ZBTB21: variants seen among roughly 807,000 people sequenced by gnomAD.
ZBTB21 encodes the protein zinc finger and BTB domain-containing protein 21.
A neutral mutation model predicts 39.8 loss-of-function variants in ZBTB21; 10 were observed. That is an observed-to-expected ratio of 0.25 (90% CI 0.16 to 0.43). The LOEUF (loss-of-function observed/expected upper bound fraction) is 0.43. Ranked by LOEUF, ZBTB21 falls within the 20% of genes least tolerant of loss-of-function variation. The pLI, the probability that ZBTB21 is intolerant of heterozygous loss-of-function variation, is 1.00. For missense variants in ZBTB21, 1,221 were observed against 1,296.3 expected (o/e 0.94, Z 0.89); for synonymous variants, 551 against 498.8 (o/e 1.10, Z -1.40).
chr21:42,004,751 G>T (rs1462907749), intron 1 of ZBTB21, among the ~76,000 whole-genome samples: 1 of 152,126 alleles, frequency 6.6e-6, no homozygotes, highest in Non-Finnish European at 1.5e-5. Flanking sequence ...AAGAGGGAAT[G>T]CATGTAACAC....
intron 1 of ZBTB21, among the ~76,000 whole-genome samples, chr21:42,003,633 G>A (rs2065843828): frequency 6.6e-6 from 1 of 152,140 alleles, no homozygotes; most frequent in Non-Finnish European, 1.5e-5. Flanking sequence ...ACAAAGGAAA[G>A]GCTCATTAGA....
chr21:41,992,707 T>C lies in ZBTB21; in HGVS notation c.1389A>G (p.Thr463=), dbSNP rs201654068. The C allele has an allele frequency of 1.5e-4, 247 of 1,614,068 alleles. No homozygotes were observed. Among genetic ancestry groups the C allele is most frequent in the Non-Finnish European group, 2.1e-4 (243 of 1,180,038 alleles). ...TTAAASSSSV[T]RDLSLKTEDD... Reference sequence around the variant, plus strand: ...CTTCTGTTTTCAGAGACAGGTCTCTTGTGACCGACGAAGATGAGGCAGCTG... The same window carrying C: ...CTTCTGTTTTCAGAGACAGGTCTCTCGTGACCGACGAAGATGAGGCAGCTG... The change falls in exon 3 of 3, where the codon ACA becomes ACG. Residue 463 remains threonine, a synonymous_variant. Transcript: ENST00000310826. The surrounding 1 kb of genome is among the most constrained non-coding windows in gnomAD (Gnocchi z 4.1).
rs1298401147 is a variant in ZBTB21, at chr21:41,994,050, G to C, written c.46C>G (p.Leu16Val). Residue 16 changes from leucine (L) to valine (V), a missense_variant, in exon 3 of 3, where the codon CTC becomes GTC. Physicochemically the swap from Leu to Val is conservative, Grantham distance 32. Transcript: ENST00000310826. ...CGCTCCTCATTCAGGGCACTTAGGA[G>C]AGAAATGGCGTGTGCAGGGTTGATG... Reference protein sequence around the residue: ...HYINPAHAISLLSALNEERLK... With the variant: ...HYINPAHAISVLSALNEERLK... The C allele has an allele frequency of 1.2e-6, 2 of 1,613,412 alleles. No homozygotes were observed. Among genetic ancestry groups the C allele is most frequent in the Non-Finnish European group, 8.5e-7 (1 of 1,179,718 alleles).
At chr21:42,001,063 G>T (rs2065811227) in intron 2 of ZBTB21, among the ~76,000 whole-genome samples, 1 of 152,166 alleles carries the variant, frequency 6.6e-6, no homozygotes, top group Non-Finnish European at 1.5e-5. Flanking sequence ...AACCATAGGA[G>T]GTAGGTACTA....
chr21:42,008,161 C>A (rs7282789), intron 1 of ZBTB21: 96,238 of 151,560 alleles, frequency 0.63, 32,069 homozygotes, highest in African/African-American at 0.78. Flanking sequence ...CTAGCTCTTA[C>A]ATAGCTTATA....
At chr21:41,997,913 G>C (rs571180403) in intron 2 of ZBTB21, among the ~76,000 whole-genome samples, 1 of 152,108 alleles carries the variant, frequency 6.6e-6, no homozygotes, top group Admixed American at 6.5e-5. Flanking sequence ...TTAGCCTCTC[G>C]GTGTGGCAGA....
chr21:41,999,528 A>G (rs111232649), intron 2 of ZBTB21, among the ~76,000 whole-genome samples: 3,400 of 152,334 alleles, frequency 0.022, 126 homozygotes, highest in African/African-American at 0.075. Context: ...TCGCCATAAA[A>G]TAAGGATAAT....
In ZBTB21 at chr21:41,992,592, G is replaced by T; in HGVS notation, c.1504C>A (p.His502Asn). 1.2e-6 allele frequency: 2 copies of T among 1,614,142 alleles called. No homozygotes were observed. Among genetic ancestry groups the T allele is most frequent in the Non-Finnish European group, 1.7e-6 (2 of 1,180,028 alleles). ...TTATCTTCTGACACAGGAGACCCGTGCTCATTCACCTTTAACTTCTTAAAC... is the reference window on the plus strand; with the variant it reads ...TTATCTTCTGACACAGGAGACCCGTTCTCATTCACCTTTAACTTCTTAAAC... ...LPFKKLKVNE[H>N]GSPVSEDNFE... is the part of the protein sequence containing the mutation. The change falls in exon 3 of 3, where the codon CAC (histidine) becomes AAC (asparagine). Residue 502 changes from histidine to asparagine, a missense_variant. By Grantham distance (68) the His-to-Asn change is moderately conservative. Coordinates refer to ENST00000310826, the MANE Select transcript of ZBTB21 (RefSeq NM_001098402.2). The surrounding 1 kb of genome is among the most constrained non-coding windows in gnomAD (Gnocchi z 4.1).
In ZBTB21 at chr21:41,988,638, GT is replaced by G. The variant is rs2065609903; in HGVS notation, c.*2256del. 6.6e-6 allele frequency: 1 copy of G among 152,042 alleles called. No individual in the cohort carries two copies. Among genetic ancestry groups the G allele is most frequent in the East Asian group, 1.9e-4 (1 of 5,204 alleles). The allele number at this position is 152,042 out of a possible 1,614,324, so 9.4% of individuals were successfully genotyped here. A position where few individuals can be genotyped will look rare whatever the true frequency, so the allele number is the denominator to read the frequency against. ...GAAAAACCAGAACGGCATTATAAAT[GT>G]TTTTGGTTCAAAATTTTATTTGAAA... is the stretch of plus-strand genomic sequence containing the variant. On this transcript the variant is annotated 3_prime_UTR_variant, in exon 3 of 3. Transcript: ENST00000310826.
rs376584195 is a variant in ZBTB21, at chr21:41,995,592, G to A, written c.-13-1484C>T. 1.1e-4 allele frequency among the ~76,000 whole-genome samples: 16 copies of A among 152,366 alleles called. No individual in the cohort carries two copies. The East Asian group carries it at 1.3e-3, about 13-fold the overall frequency. On this transcript the variant is annotated intron_variant, in intron 2 of 2. Transcript: ENST00000310826. ...TGGAGAAGTTGCTGCCTGACAGTGC[G>A]ATAGAAAAGAAAATCCCATTTTCTG...
At chr21:42,000,355 C>T (rs1439334268) in intron 2 of ZBTB21, among the ~76,000 whole-genome samples, 1 of 152,158 alleles carries the variant, frequency 6.6e-6, no homozygotes, top group Non-Finnish European at 1.5e-5. Context: ...GATCAGTTCC[C>T]AAATAAACGT....
At chr21:42,002,331 ATTTGAG>A (rs1391637498) in intron 2 of ZBTB21, 5 of 150,910 alleles carry the variant, frequency 3.3e-5, no homozygotes, top group African/African-American at 1.2e-4. Context: ...CAGTCAGTAT[ATTTGAG>A]TTTAACAATT....
chr21:41,998,331 A>T (rs551374287), intron 2 of ZBTB21, among the ~76,000 whole-genome samples: 1 of 151,764 alleles, frequency 6.6e-6, no homozygotes, highest in African/African-American at 2.4e-5. Flanking sequence ...AGCTGGGATT[A>T]CAGGCGTGCA....
rs1182389315 is a variant in ZBTB21, at chr21:41,986,874, T to C, written c.*4021A>G. 1.3e-5 allele frequency: 2 copies of C among 152,634 alleles called. No individual in the cohort carries two copies. Among genetic ancestry groups the C allele is most frequent in the Non-Finnish European group, 2.9e-5 (2 of 68,044 alleles). The allele number at this position is 152,634 out of a possible 1,614,324, so 9.5% of individuals were successfully genotyped here. A position where few individuals can be genotyped will look rare whatever the true frequency, so the allele number is the denominator to read the frequency against. Reference sequence around the variant, plus strand: ...CAAATTTATTGACTCCAATCATTCTTAGTCAACATTTAAGCAAACTGTAGA... The same window carrying C: ...CAAATTTATTGACTCCAATCATTCTCAGTCAACATTTAAGCAAACTGTAGA... On this transcript the variant is annotated 3_prime_UTR_variant, in exon 3 of 3. Coordinates refer to ENST00000310826, the MANE Select transcript of ZBTB21 (RefSeq NM_001098402.2).
At chr21:42,009,059 A>G (rs1862934300) in intron 1 of ZBTB21, 2 of 152,212 alleles carry the variant, frequency 1.3e-5, no homozygotes, top group South Asian at 4.1e-4. Flanking sequence ...CATCGTGTGA[A>G]CAATCGCTGG....
intron 1 of ZBTB21, among the ~76,000 whole-genome samples, chr21:42,005,462 G>A (rs1283734205): frequency 6.6e-6 from 1 of 152,214 alleles, no homozygotes; most frequent in Non-Finnish European, 1.5e-5. Flanking sequence ...GATTCCTGGA[G>A]TTAGCTTGGT....
chr21:42,007,613 T>C (rs534806254), intron 1 of ZBTB21, among the ~76,000 whole-genome samples: 4 of 152,334 alleles, frequency 2.6e-5, no homozygotes, highest in Admixed American at 2.0e-4. Flanking sequence ...TCATCTAAAC[T>C]ACCACAATAC....
rs1211601055 is a variant in ZBTB21, at chr21:41,989,928, T to C, written c.*967A>G. 11 of 152,232 alleles carry C rather than the reference T, an allele frequency of 7.2e-5. No individual in the cohort carries two copies. Among genetic ancestry groups the C allele is most frequent in the Admixed American group, 7.2e-4 (11 of 15,290 alleles). The allele number at this position is 152,232 out of a possible 1,614,324, so 9.4% of individuals were successfully genotyped here. ...CTAATTCTTGAGTGTCTGGGATCTA[T>C]GTAAATATATGTCCCGACCTTATTT... On this transcript the variant is annotated 3_prime_UTR_variant, in exon 3 of 3. Transcript: ENST00000310826.
chr21:41,993,521 G>C lies in ZBTB21; in HGVS notation c.575C>G (p.Pro192Arg), dbSNP rs1346602116. ...ATTATGAAGTGGTTCTATTGGTTTT[G>C]GGACATGTGGCTTATTGGTATTGGC... is the stretch of plus-strand genomic sequence containing the variant. ...VKANTNKPHV[P>R]KPIEPLHNLS... The change falls in exon 3 of 3, where the codon CCA becomes CGA. Residue 192 changes from proline to arginine, a missense_variant. Pro to Arg is a moderately radical substitution (Grantham distance 103). Coordinates refer to ENST00000310826, the MANE Select transcript of ZBTB21 (RefSeq NM_001098402.2). 1 of 1,614,248 alleles carries C rather than the reference G, an allele frequency of 6.2e-7. No homozygotes were observed. The highest frequency in any genetic ancestry group is 8.5e-7 in the Non-Finnish European group (1 of 1,180,040).
Sources: gnomAD v4.1 joint callset for allele counts (sites outside exome capture counted in the v4.1 genomes callset) on GRCh38, gnomAD v4.1.1 for gene constraint, Gnocchi (gnomAD v3.1) non-coding constraint, MANE v1.5 for transcripts, NCBI Gene and HGNC (gene_info 2026-07-23, HGNC 2026-07-21) for gene names.